Variants in AK5 observed in about 807,000 individuals in gnomAD.
The protein encoded by AK5 is adenylate kinase 5, also known as adenylate kinase isoenzyme 5.
Under a neutral mutation model 69.5 loss-of-function variants are expected in AK5, and 27 were observed. The ratio of observed to expected loss-of-function variants is 0.39; its 90% CI spans 0.29 to 0.54. The LOEUF is 0.54. Among genes scored for constraint, AK5 ranks in the 20% least tolerant of loss-of-function variants. AK5 has a pLI of 0.71. For synonymous variants in AK5, 260 were observed against 244.4 expected (o/e 1.06, Z -0.60); for missense variants, 531 against 700.4 (o/e 0.76, Z 2.73).
At chr1:77,350,644 A>G (rs1662143755) in intron 6 of AK5, among the ~76,000 whole-genome samples, 1 of 152,228 alleles carries the variant, frequency 6.6e-6, no homozygotes, top group Admixed American at 6.5e-5. Context: ...ACCATCTGGC[A>G]CGGATGGCAA....
intron 12 of AK5, among the ~76,000 whole-genome samples, chr1:77,523,784 A>AAGG (rs1658126288): frequency 6.6e-6 from 1 of 152,082 alleles, no homozygotes; most frequent in Non-Finnish European, 1.5e-5. Flanking sequence ...CAATCCTCTC[A>AAGG]CCTCAGCCTC....
intron 6 of AK5, among the ~76,000 whole-genome samples, chr1:77,398,683 A>G (rs1648991462): frequency 6.6e-6 from 1 of 152,144 alleles, no homozygotes; most frequent in Non-Finnish European, 1.5e-5. Flanking sequence ...CGAGCATATC[A>G]TTTTTCTCAT....
At chr1:77,339,206 C>A (rs1454309588) in intron 5 of AK5, among the ~76,000 whole-genome samples, 1 of 152,154 alleles carries the variant, frequency 6.6e-6, no homozygotes, top group Non-Finnish European at 1.5e-5. Context: ...TAAGTAATTG[C>A]GGCATATGCT....
intron 12 of AK5, among the ~76,000 whole-genome samples, chr1:77,523,941 C>T (rs1658136051): frequency 6.6e-6 from 1 of 152,168 alleles, no homozygotes; most frequent in African/African-American, 2.4e-5. Context: ...GCTGGGATTA[C>T]AGGTGTGAGC....
intron 6 of AK5, among the ~76,000 whole-genome samples, chr1:77,402,871 A>G (rs1334720870): frequency 1.3e-5 from 2 of 152,192 alleles, no homozygotes; most frequent in South Asian, 2.1e-4. Context: ...GAATCGCCAC[A>G]CTGTCTTCCA....
At chr1:77,511,825 T>C (rs1657364778) in intron 10 of AK5, among the ~76,000 whole-genome samples, 1 of 152,164 alleles carries the variant, frequency 6.6e-6, no homozygotes, top group African/African-American at 2.4e-5. Context: ...AGAAAGGGGC[T>C]GGCGTCCAGC....
chr1:77,518,842 A>T (rs947057834), intron 11 of AK5, 115 bp downstream of exon 11: 8 of 1,046,954 alleles, frequency 7.6e-6, no homozygotes, highest in Non-Finnish European at 1.1e-5. Flanking sequence ...CAATAGCTGT[A>T]TATTATTTCC....
intron 5 of AK5, among the ~76,000 whole-genome samples, chr1:77,322,506 A>G (rs954967229): frequency 1.3e-5 from 2 of 152,342 alleles, no homozygotes; most frequent in Middle Eastern, 3.4e-3. Context: ...AACTGATGCC[A>G]AAAGTACAGC....
intron 6 of AK5, among the ~76,000 whole-genome samples, chr1:77,398,160 TAAAC>T (rs972688320): frequency 2.6e-5 from 4 of 152,142 alleles, no homozygotes; most frequent in Admixed American, 1.3e-4. Flanking sequence ...CACATGGACT[TAAAC>T]AAGTAATAAT....
Position 77,544,502 on chromosome 1 carries a change from C to T in AK5, c.1620+8464C>T, listed in dbSNP as rs530827831. Among the ~76,000 whole-genome samples the T allele has an allele frequency of 1.3e-4, 20 of 151,832 alleles. 1 individual carries two copies. The East Asian group carries it at 2.9e-3, about 22-fold the overall frequency. On this transcript the variant is annotated intron_variant, in intron 13 of 13. Transcript: ENST00000354567. ...TACATAAATATTTTTTCTTTATATCCTTATTCTATGTTTTTTTCTATTTTA... is the reference window on the plus strand; with the variant it reads ...TACATAAATATTTTTTCTTTATATCTTTATTCTATGTTTTTTTCTATTTTA...
At chr1:77,441,561 T>C (rs1652325918) in intron 8 of AK5, among the ~76,000 whole-genome samples, 1 of 152,244 alleles carries the variant, frequency 6.6e-6, no homozygotes, top group African/African-American at 2.4e-5. Context: ...TCTGGCTGTG[T>C]TGAACATCAG....
chr1:77,538,062 G>A (rs566025330), intron 13 of AK5, among the ~76,000 whole-genome samples: 1 of 152,278 alleles, frequency 6.6e-6, no homozygotes, highest in South Asian at 2.1e-4. Flanking sequence ...ACAGGGCCAA[G>A]TGCAATGGCT....
intron 5 of AK5, among the ~76,000 whole-genome samples, chr1:77,323,081 A>G (rs1660616611): frequency 1.3e-5 from 2 of 151,460 alleles, no homozygotes; most frequent in Non-Finnish European, 2.9e-5. Flanking sequence ...TCCACCTCCC[A>G]GGTTCAAGCA....
Position 77,559,072 on chromosome 1 carries a change from C to CTCT in AK5, c.*404_*406dup, listed in dbSNP as rs777088029. 6.4e-6 allele frequency: 1 copy of CTCT among 155,844 alleles called. No individual in the cohort carries two copies. The highest frequency in any genetic ancestry group is 2.0e-4 in the South Asian group (1 of 5,028). The allele number at this position is 155,844 out of a possible 1,614,324, so 9.7% of individuals were successfully genotyped here. On this transcript the variant is annotated 3_prime_UTR_variant, in exon 14 of 14. Coordinates refer to ENST00000354567, the MANE Select transcript of AK5 (RefSeq NM_174858.3). ...ATCCCTAACCCCCAGTCACACCTTC[C>CTCT]TCTTACATACTGTTCCCCAATGGAG...
intron 8 of AK5, among the ~76,000 whole-genome samples, chr1:77,425,778 A>G (rs1309737515): frequency 6.6e-6 from 1 of 152,220 alleles, no homozygotes; most frequent in African/African-American, 2.4e-5. Flanking sequence ...ATGATTCTGT[A>G]TACATGTTTA....
chr1:77,315,391 T>A (rs1168189986), intron 5 of AK5, among the ~76,000 whole-genome samples: 1 of 152,138 alleles, frequency 6.6e-6, no homozygotes, highest in East Asian at 1.9e-4. Flanking sequence ...ACATAGAGAA[T>A]ATTTAAGAAG....
intron 13 of AK5, 136 bp downstream of exon 13, chr1:77,536,174 CA>C (rs1658955785): frequency 1.0e-6 from 1 of 991,178 alleles, no homozygotes; most frequent in East Asian, 2.6e-5. Context: ...GCACTGGGGC[CA>C]AAAGGCCCAG....
intron 3 of AK5, among the ~76,000 whole-genome samples, chr1:77,295,215 G>A (rs944842877): frequency 6.6e-6 from 1 of 152,162 alleles, no homozygotes; most frequent in African/African-American, 2.4e-5. Context: ...CATTAACAGA[G>A]TGTCAAATTT....
chr1:77,357,587 G>T (rs894081970), intron 6 of AK5, among the ~76,000 whole-genome samples: 1 of 152,212 alleles, frequency 6.6e-6, no homozygotes, highest in Non-Finnish European at 1.5e-5. Context: ...TTAGGAAGAT[G>T]ATAGGTACCT....
Sources: gnomAD v4.1 joint callset for allele counts (sites outside exome capture counted in the v4.1 genomes callset) on GRCh38, gnomAD v4.1.1 for gene constraint, MANE v1.5 for transcripts, NCBI Gene and HGNC (gene_info 2026-07-23, HGNC 2026-07-21) for gene names.